Variants in NCOA7 observed in about 807,000 individuals in gnomAD.
NCOA7 encodes the protein nuclear receptor coactivator 7.
A neutral mutation model predicts 104.3 loss-of-function variants in NCOA7; 45 were observed. The observed-to-expected ratio is 0.43, with a 90% CI of 0.34 to 0.55. The LOEUF (loss-of-function observed/expected upper bound fraction) is 0.55. NCOA7 is among the 20% of genes least tolerant of loss of function. NCOA7 has a pLI of 0.02. For synonymous variants in NCOA7, 398 were observed against 402.3 expected (o/e 0.99, Z 0.13); for missense variants, 1,041 against 1,119.7 (o/e 0.93, Z 1.00).
At chr6:125,833,318 G>A (rs1038283223) in intron 2 of NCOA7, among the ~76,000 whole-genome samples, 5 of 152,076 alleles carry the variant, frequency 3.3e-5, no homozygotes. Context: ...CGGGCTTGGT[G>A]GCTCACACCT....
At chr6:125,863,435 T>TCATA (rs1212371607) in intron 3 of NCOA7, among the ~76,000 whole-genome samples, 1 of 138,570 alleles carries the variant, frequency 7.2e-6, no homozygotes, top group Admixed American at 6.8e-5. Flanking sequence ...AATGCAAATC[T>TCATA]CATACCCTAC....
Position 125,881,127 on chromosome 6 carries a change from C to T in NCOA7, c.497C>T (p.Thr166Ile), listed in dbSNP as rs1366971187. The T allele has an allele frequency of 6.2e-7, 1 of 1,614,004 alleles. No homozygotes were observed. The highest frequency in any genetic ancestry group is 8.5e-7 in the Non-Finnish European group (1 of 1,179,930). ...FVPDANSPSS[T>I]LRLSSSSPGA... ...CCAGATGCCAACTCTCCTTCCAGTA[C>T]CTTAAGGCTATCATCATCCAGTCCT... Residue 166 changes from threonine to isoleucine, a missense_variant, in exon 6 of 16, where the codon ACC becomes ATC. This residue lies in a region of NCOA7 where 914 missense variants were observed against 942.7 expected (regional missense o/e 0.97). Transcript: ENST00000392477.
intron 3 of NCOA7, among the ~76,000 whole-genome samples, chr6:125,874,411 G>C (rs1232702324): frequency 6.6e-6 from 1 of 152,136 alleles, no homozygotes; most frequent in African/African-American, 2.4e-5. Flanking sequence ...GTTATAAATA[G>C]TATTGCAGTG....
chr6:125,869,584 A>G (rs994842739), intron 3 of NCOA7, among the ~76,000 whole-genome samples: 2 of 152,218 alleles, frequency 1.3e-5, no homozygotes, highest in Admixed American at 1.3e-4. Flanking sequence ...TTCCAGGGCT[A>G]TCAACGTGGC....
chr6:125,871,104 C>A (rs1353623557), intron 3 of NCOA7, among the ~76,000 whole-genome samples: 1 of 152,176 alleles, frequency 6.6e-6, no homozygotes, highest in Non-Finnish European at 1.5e-5. Flanking sequence ...CCAACTTTTC[C>A]CTTGGCAGTA....
At chr6:125,836,911 TGTGTGCCAG>T (rs1262090377) in intron 2 of NCOA7, among the ~76,000 whole-genome samples, 2 of 152,226 alleles carry the variant, frequency 1.3e-5, no homozygotes, top group Non-Finnish European at 2.9e-5. Flanking sequence ...GTTGCACCTG[TGTGTGCCAG>T]GTGACATATT....
In NCOA7 at chr6:125,927,486, G is replaced by A. The variant is rs140230333; in HGVS notation, c.2524-177G>A. ...AGTCTGGCTACTTGGGTTCCAGTTA[G>A]AGCTGGGGATATTTGTTTATTCTTT... On this transcript the variant is annotated intron_variant, in intron 13 of 15. Transcript: ENST00000392477. 1.4e-3 allele frequency among the ~76,000 whole-genome samples: 207 copies of A among 152,326 alleles called. 1 individual carries two copies. Among genetic ancestry groups the A allele is most frequent in the African/African-American group, 4.5e-3 (186 of 41,570 alleles).
upstream of NCOA7, chr6:125,790,958 C>G (rs1774785928): frequency 6.5e-6 from 1 of 152,862 alleles, no homozygotes; most frequent in African/African-American, 2.4e-5. Context: ...CTTCCACCCG[C>G]CGAGAGGATG....
At position 125,889,179 on chromosome 6, in the gene NCOA7, C is replaced by A. The variant is rs2128657362; in HGVS notation, c.1125C>A (p.Asp375Glu). ...TGTCAGAGAAATTAAAGAAACTGGA[C>A]TCCTCTAGGGAGACATCCCATGGTT... ...SSVSEKLKKL[D>E]SSRETSHGSP... is the part of the protein sequence containing the mutation. Residue 375 changes from aspartate to glutamate, a missense_variant, in exon 9 of 16, where the codon GAC (aspartate) becomes GAA (glutamate). Physicochemically the swap from Asp to Glu is conservative, Grantham distance 45. Around this residue, in one of 2 missense-constraint regions of NCOA7, gnomAD observed 914 missense variants for 942.7 expected, o/e 0.97. Coordinates refer to ENST00000392477, the MANE Select transcript of NCOA7 (RefSeq NM_181782.5). 1 of 1,614,062 alleles carries A rather than the reference C, an allele frequency of 6.2e-7. No homozygotes were observed.
chr6:125,867,497 C>T (rs921513246), intron 3 of NCOA7, among the ~76,000 whole-genome samples: 1 of 152,170 alleles, frequency 6.6e-6, no homozygotes, highest in Non-Finnish European at 1.5e-5. Flanking sequence ...TCTCAAGAGA[C>T]GTTGAGCATG....
At chr6:125,865,410 T>C (rs923723107) in intron 3 of NCOA7, among the ~76,000 whole-genome samples, 1 of 137,930 alleles carries the variant, frequency 7.3e-6, no homozygotes, top group African/African-American at 3.0e-5. Context: ...GGAAGGTAGG[T>C]AACATGTACT....
chr6:125,886,663 A>G (rs1015283746), intron 8 of NCOA7, among the ~76,000 whole-genome samples: 3 of 152,222 alleles, frequency 2.0e-5, no homozygotes, highest in Non-Finnish European at 4.4e-5. Context: ...TTTTAGTCTA[A>G]TGAACAAGAA....
At chr6:125,830,615 G>C (rs1221346629) in intron 2 of NCOA7, among the ~76,000 whole-genome samples, 1 of 152,044 alleles carries the variant, frequency 6.6e-6, no homozygotes, top group Non-Finnish European at 1.5e-5. Flanking sequence ...ACTGAGGTGG[G>C]AGGATTGCTT....
intron 10 of NCOA7, among the ~76,000 whole-genome samples, chr6:125,908,134 G>C (rs1428681867): frequency 6.6e-6 from 1 of 152,154 alleles, no homozygotes; most frequent in East Asian, 1.9e-4. Context: ...AAAAGAGTAG[G>C]CTTGGGATAT....
chr6:125,917,649 G>A (rs983495862), intron 11 of NCOA7, among the ~76,000 whole-genome samples: 5 of 152,112 alleles, frequency 3.3e-5, no homozygotes, highest in Non-Finnish European at 7.4e-5. Context: ...GGTTAGGGAG[G>A]GAAAAAGAGA....
Position 125,862,404 on chromosome 6 carries a change from A to G in NCOA7, c.271+7164A>G, listed in dbSNP as rs957865597. Among the ~76,000 whole-genome samples, 4 of 138,630 alleles carry G rather than the reference A, an allele frequency of 2.9e-5. 1 individual carries two copies. The highest frequency in any genetic ancestry group is 6.8e-5 in the Admixed American group (1 of 14,640). 90.9% of individuals were successfully genotyped at this position (138,630 alleles called of 152,430 possible). A position where few individuals can be genotyped will look rare whatever the true frequency, so the allele number is the denominator to read the frequency against. On this transcript the variant is annotated intron_variant, in intron 3 of 15. Transcript: ENST00000392477. Reference sequence around the variant, plus strand: ...CTTCATAGTGGTGAATGCCAGAGGAATTAAAATCTCTTCAGACTTATGAGG... The same window carrying G: ...CTTCATAGTGGTGAATGCCAGAGGAGTTAAAATCTCTTCAGACTTATGAGG...
chr6:125,888,418 C>T (rs1177685383), intron 8 of NCOA7, among the ~76,000 whole-genome samples: 2 of 152,150 alleles, frequency 1.3e-5, no homozygotes, highest in Non-Finnish European at 2.9e-5. Flanking sequence ...AACCCAGAAT[C>T]AGGGTTCAAG....
intron 4 of NCOA7, chr6:125,875,269 C>G (rs1030753584): frequency 3.7e-6 from 1 of 272,248 alleles, no homozygotes; most frequent in Non-Finnish European, 7.4e-6. Flanking sequence ...TCTTCCCCCA[C>G]CACTCCATGT....
intron 3 of NCOA7, among the ~76,000 whole-genome samples, chr6:125,868,763 A>G (rs1782636872): frequency 6.6e-6 from 1 of 152,226 alleles, no homozygotes; most frequent in African/African-American, 2.4e-5. Context: ...AGAGACACAG[A>G]CAATTTTTGC....
Sources: allele counts gnomAD v4.1 joint callset (sites outside exome capture counted in the v4.1 genomes callset), GRCh38; gene constraint gnomAD v4.1.1; regional missense constraint gnomAD v4.1.1; transcripts MANE v1.5; gene names NCBI Gene and HGNC (gene_info 2026-07-23, HGNC 2026-07-21).